TRUB2: variants seen among roughly 807,000 people sequenced by gnomAD.
The protein encoded by TRUB2 is pseudouridylate synthase TRUB2, mitochondrial.
TRUB2 carries 31 observed loss-of-function variants against 31.9 expected under a neutral mutation model. The ratio of observed to expected loss-of-function variants is 0.97; its 90% CI spans 0.73 to 1.31. TRUB2 has a LOEUF of 1.31. Among genes scored for constraint, TRUB2 ranks in the 50% most tolerant of loss-of-function variants. The probability of loss-of-function intolerance (pLI) is 0.00; values close to 1 mark genes in which losing one functional copy is unlikely to be tolerated. For missense variants in TRUB2, 451 were observed against 439.6 expected, an observed-to-expected ratio of 1.03 and a Z score of -0.23; for synonymous variants, 201 against 182.6, an observed-to-expected ratio of 1.10 and a Z score of -0.81.
chr9:128,316,900 T>C (rs1036246818), intron 3 of TRUB2: 3 of 464,844 alleles, frequency 6.5e-6, no homozygotes, highest in Non-Finnish European at 1.1e-5. Flanking sequence ...GGTAAATAAA[T>C]GTGCATAAAG....
rs892883897 is a variant in TRUB2 at position 128,314,341 on chromosome 9, C to T, written c.379-452G>A. Among the ~76,000 whole-genome samples, 4 of 152,214 alleles carry T rather than the reference C, an allele frequency of 2.6e-5. No individual in the cohort carries two copies. In the East Asian group the frequency reaches 5.8e-4, roughly 22 times the overall value. On this transcript the variant is annotated intron_variant, in intron 4 of 7. Transcript: ENST00000372890. ...GGCAATTTATCACCCCGAGCCCCTT[C>T]TAGCATGCCCTGTAGGCTTCTCTCC...
chr9:128,313,319 G>A (rs931670583), intron 5 of TRUB2, among the ~76,000 whole-genome samples: 3 of 151,272 alleles, frequency 2.0e-5, no homozygotes, highest in Non-Finnish European at 2.9e-5. Context: ...GAGGTCAGGA[G>A]ATCCAGACCA....
chr9:128,321,767 C>G (rs376080827), intron 1 of TRUB2, 37 bp from the exon 2 acceptor site: 4 of 1,572,496 alleles, frequency 2.5e-6, no homozygotes, highest in Non-Finnish European at 3.5e-6. Context: ...CACATACATA[C>G]AAATATATGT....
At chr9:128,314,025 C>T in intron 4 of TRUB2, 136 bp from the exon 5 acceptor site, 1 of 687,232 alleles carries the variant, frequency 1.5e-6, no homozygotes, top group South Asian at 1.8e-5. Context: ...CCCAGCTGCT[C>T]CACAGCCCCA....
At chr9:128,311,452 G>T (rs1246190111) in intron 6 of TRUB2, 77 bp downstream of exon 6, 1 of 1,397,610 alleles carries the variant, frequency 7.2e-7, no homozygotes, top group Non-Finnish European at 1.0e-6. Flanking sequence ...CATGGAATCT[G>T]CCCCAGGTTT....
chr9:128,313,419 CCA>C (rs1012266244), intron 5 of TRUB2, among the ~76,000 whole-genome samples: 1 of 145,308 alleles, frequency 6.9e-6, no homozygotes, highest in African/African-American at 2.5e-5. Flanking sequence ...GCCTGTAGTC[CCA>C]GCTACTAGGG....
chr9:128,313,782 C>A, intron 5 of TRUB2, 26 bp downstream of exon 5: 1 of 1,608,816 alleles, frequency 6.2e-7, no homozygotes, highest in Non-Finnish European at 8.5e-7. Context: ...CGGAGGGAGG[C>A]AGCGGCAGCC....
In TRUB2 at chr9:128,305,761, T is replaced by C. The variant is rs547192109; in HGVS notation, c.*3789A>G. The C allele has an allele frequency of 4.6e-5, 7 of 152,248 alleles. No individual in the cohort carries two copies. The highest frequency in any genetic ancestry group is 1.4e-4 in the African/African-American group (6 of 41,496). The allele number at this position is 152,248 out of a possible 1,614,324, so 9.4% of individuals were successfully genotyped here. A position where few individuals can be genotyped will look rare whatever the true frequency, so the allele number is the denominator to read the frequency against. The stretch of plus-strand genomic sequence containing the variant: ...GCCCAGGCTGGAGTACAGATCTCCA[T>C]TTACTGCCGCCTTGACTTGCTAGGT... On this transcript the variant is annotated 3_prime_UTR_variant, in exon 8 of 8. Coordinates refer to ENST00000372890, the MANE Select transcript of TRUB2 (RefSeq NM_015679.3).
chr9:128,307,965 G>C lies in TRUB2; in HGVS notation c.*1585C>G, dbSNP rs1012435074. The C allele has an allele frequency of 6.6e-6, 1 of 151,840 alleles. No individual in the cohort carries two copies. 9.4% of individuals were successfully genotyped at this position (151,840 alleles called of 1,614,324 possible). A position where few individuals can be genotyped will look rare whatever the true frequency, so the allele number is the denominator to read the frequency against. On this transcript the variant is annotated 3_prime_UTR_variant, in exon 8 of 8. Transcript: ENST00000372890. Reference sequence around the variant, plus strand: ...CCATCCCAGTGCTTTGGGAGGCAGAGGTTGGCATAATCCCAGCGCTCTGGG... The same window carrying C: ...CCATCCCAGTGCTTTGGGAGGCAGACGTTGGCATAATCCCAGCGCTCTGGG...
chr9:128,309,451 A>C lies in TRUB2; in HGVS notation c.*99T>G, dbSNP rs1053799264. 28 of 1,322,622 alleles carry C rather than the reference A, an allele frequency of 2.1e-5. No homozygotes were observed. The highest frequency in any genetic ancestry group is 2.7e-5 in the Non-Finnish European group (26 of 968,452). The allele number at this position is 1,322,622 out of a possible 1,614,324, so 81.9% of individuals were successfully genotyped here. A position where few individuals can be genotyped will look rare whatever the true frequency, so the allele number is the denominator to read the frequency against. On this transcript the variant is annotated 3_prime_UTR_variant, in exon 8 of 8. Transcript: ENST00000372890. The stretch of plus-strand genomic sequence containing the variant: ...AGCTTGAGTTTTGTGTCTTACGTAG[A>C]AAAGGTGCCCCTGCTCTCACTTTCT...
rs768863933 is a variant in TRUB2 at position 128,321,680 on chromosome 9, G to A, written c.160C>T (p.Leu54=). The change falls in exon 2 of 8, where the codon CTG becomes TTG. Residue 54 remains leucine (L), a synonymous_variant. Coordinates refer to ENST00000372890, the MANE Select transcript of TRUB2 (RefSeq NM_015679.3). ...PAPKQRVRFL[L]GPMEGSEEKE... ...TCTTCGCTGCCTTCCATGGGGCCCA[G>A]CAAGAAGCGAACACGCTGTTTAGGA... is the stretch of plus-strand genomic sequence containing the variant. 4 of 1,613,980 alleles carry A rather than the reference G, an allele frequency of 2.5e-6. No individual in the cohort carries two copies. The highest frequency in any genetic ancestry group is 3.4e-6 in the Non-Finnish European group (4 of 1,180,038).
intron 2 of TRUB2, among the ~76,000 whole-genome samples, chr9:128,320,022 T>G (rs1832136239): frequency 6.6e-6 from 1 of 151,764 alleles, no homozygotes; most frequent in South Asian, 2.1e-4. Context: ...TTCACGCCAT[T>G]CTCCTGCCTC....
chr9:128,322,248 G>T (rs1832200920), intron 1 of TRUB2, 52 bp downstream of exon 1: 9 of 1,497,060 alleles, frequency 6.0e-6, no homozygotes, highest in Non-Finnish European at 8.4e-6. Flanking sequence ...AAGCGGAGAT[G>T]GACTTCCAAG....
intron 5 of TRUB2, 36 bp downstream of exon 5, chr9:128,313,772 C>T (rs187036867): frequency 8.3e-5 from 132 of 1,596,344 alleles, no homozygotes; most frequent in Admixed American, 3.5e-4. Flanking sequence ...AAAGCAAATG[C>T]GGAGGGAGGC....
intron 2 of TRUB2, among the ~76,000 whole-genome samples, chr9:128,319,861 C>T (rs369367167): frequency 1.1e-4 from 16 of 152,038 alleles, no homozygotes; most frequent in African/African-American, 3.4e-4. Flanking sequence ...TCAAGTGATC[C>T]GCCCACCTTG....
Position 128,315,583 on chromosome 9 carries a change from T to C in TRUB2, c.362A>G (p.Asn121Ser), listed in dbSNP as rs114992691. The part of the protein sequence containing the change: ...HGCRLLTDMY[N>S]AHLTKDYTVR... ...CCCTCGTACCTTGGTAAGATGAGCA[T>C]TGTACATATCGGTGAGGAGCCTGCA... The change falls in exon 4 of 8, where the codon AAT (asparagine) becomes AGT (serine). Residue 121 changes from asparagine to serine, a missense_variant. By Grantham distance (46) the Asn-to-Ser change is conservative. Transcript: ENST00000372890. The C allele has an allele frequency of 1.5e-5, 24 of 1,613,556 alleles. No homozygotes were observed. The African/African-American group carries it at 3.1e-4, about 21-fold the overall frequency.
Position 128,322,337 on chromosome 9 carries a change from C to T in TRUB2, c.72G>A (p.Lys24=). The T allele has an allele frequency of 1.9e-6, 3 of 1,614,164 alleles. No homozygotes were observed. The highest frequency in any genetic ancestry group is 2.2e-5 in the South Asian group (2 of 91,080). Residue 24 remains lysine (K), a synonymous_variant, in exon 1 of 8, where the codon AAG becomes AAA. Transcript: ENST00000372890. The part of the protein sequence containing the change: ...AVYKPPGLKW[K]HLRDTVELQL... ...GTAGCTCCACTGTATCCCGCAGGTG[C>T]TTCCATTTTAGCCCCGGGGGCTTAT...
intron 3 of TRUB2, chr9:128,315,932 C>A: frequency 2.4e-6 from 1 of 416,676 alleles, no homozygotes; most frequent in South Asian, 2.6e-5. Context: ...GTCACACAAA[C>A]CTGCACTCAA....
chr9:128,309,470 A>G lies in TRUB2; in HGVS notation c.*80T>C. 6.9e-7 allele frequency: 1 copy of G among 1,453,860 alleles called. No homozygotes were observed. The allele number at this position is 1,453,860 out of a possible 1,614,324, so 90.1% of individuals were successfully genotyped here. A position where few individuals can be genotyped will look rare whatever the true frequency, so the allele number is the denominator to read the frequency against. On this transcript the variant is annotated 3_prime_UTR_variant, in exon 8 of 8. Transcript: ENST00000372890. Reference sequence around the variant, plus strand: ...ACGTAGAAAAGGTGCCCCTGCTCTCACTTTCTGCACAGCTATCAGGTCCAG... The same window carrying G: ...ACGTAGAAAAGGTGCCCCTGCTCTCGCTTTCTGCACAGCTATCAGGTCCAG...
Sources: allele counts gnomAD v4.1 joint callset (sites outside exome capture counted in the v4.1 genomes callset), GRCh38; gene constraint gnomAD v4.1.1; transcripts MANE v1.5; gene names NCBI Gene and HGNC (gene_info 2026-07-23, HGNC 2026-07-21).